ANKRD26: variants seen among roughly 807,000 people sequenced by gnomAD.
ANKRD26 encodes the protein ankyrin repeat domain 26, also known as ankyrin repeat domain-containing protein 26.
A neutral mutation model predicts 208.7 loss-of-function variants in ANKRD26; 141 were observed. That is an observed-to-expected ratio of 0.68 (90% confidence interval 0.59 to 0.78). ANKRD26 has a LOEUF of 0.78. ANKRD26 is among the 30% of genes least tolerant of loss of function. The probability of loss-of-function intolerance (pLI) is 0.00; values close to 1 mark genes in which losing one functional copy is unlikely to be tolerated. For synonymous variants in ANKRD26, 636 were observed against 660.4 expected (o/e 0.96, Z 0.57); for missense variants, 1,889 against 1,938.7 (o/e 0.97, Z 0.48).
At position 27,100,185 on chromosome 10, in the gene ANKRD26, C is replaced by G. The variant is rs200494146; in HGVS notation, c.142G>C (p.Gly48Arg). The G allele has an allele frequency of 6.8e-6, 11 of 1,614,006 alleles. No homozygotes were observed. Among genetic ancestry groups the G allele is most frequent in the African/African-American group, 6.7e-5 (5 of 75,068 alleles). ...PGYHVRDRDL[G>R]KIHKAASAGN... The stretch of plus-strand genomic sequence containing the variant: ...GCGCTGGCAGCTTTGTGGATCTTGC[C>G]GAGATCTCGGTCTCGGACGTGGTAG... The change falls in exon 1 of 34, where the codon GGC becomes CGC. Residue 48 changes from glycine to arginine, a missense_variant. Gly to Arg is a moderately radical substitution (Grantham distance 125, BLOSUM62 -2). Transcript: ENST00000376087.
chr10:27,046,403 T>C lies in ANKRD26; in HGVS notation c.1935A>G (p.Leu645=). 1 of 1,614,166 alleles carries C rather than the reference T, an allele frequency of 6.2e-7. No homozygotes were observed. Among genetic ancestry groups the C allele is most frequent in the Non-Finnish European group, 8.5e-7 (1 of 1,180,022 alleles). ...GKASLLTGGL[L]QVDDDSSLSE... Reference sequence around the variant, plus strand: ...TTAAACTGCTGTCATCATCCACTTGTAGCAGGCCACCAGTTAGTAAACTGG... The same window carrying C: ...TTAAACTGCTGTCATCATCCACTTGCAGCAGGCCACCAGTTAGTAAACTGG... The change falls in exon 18 of 34, where the codon CTA becomes CTG. Residue 645 remains leucine, a synonymous_variant. Coordinates refer to ENST00000376087, the MANE Select transcript of ANKRD26 (RefSeq NM_014915.3).
chr10:27,071,159 A>ATTTTTTTTTTTT (rs71386906), intron 9 of ANKRD26, among the ~76,000 whole-genome samples: 1 of 85,838 alleles, frequency 1.2e-5, no homozygotes, highest in Non-Finnish European at 2.1e-5. Flanking sequence ...TGCTACATTC[A>ATTTTTTTTTTTT]TTTTTTTTTT....
At chr10:27,066,373 TAGTTCCTTATG>T in intron 11 of ANKRD26, 103 bp downstream of exon 11, 1 of 658,080 alleles carries the variant, frequency 1.5e-6, no homozygotes, top group Non-Finnish European at 2.6e-6. Context: ...TATAAGAAAG[TAGTTCCTTATG>T]GATGTATGCA....
chr10:27,021,521 G>A (rs144504939), intron 29 of ANKRD26, among the ~76,000 whole-genome samples: 2 of 152,260 alleles, frequency 1.3e-5, no homozygotes, highest in East Asian at 3.9e-4. Flanking sequence ...GTTTTGATGT[G>A]CACTTCCCTG....
chr10:27,053,436 T>C, intron 15 of ANKRD26, 46 bp from the exon 16 acceptor site: 1 of 1,265,394 alleles, frequency 7.9e-7, no homozygotes, highest in Non-Finnish European at 1.1e-6. Flanking sequence ...TTAGAACAGT[T>C]AGGTAAAAGG....
rs759132367 is a variant in ANKRD26 at position 27,064,005 on chromosome 10, C to G, written c.1346G>C (p.Gly449Ala). 3 of 1,609,124 alleles carry G rather than the reference C, an allele frequency of 1.9e-6. No homozygotes were observed. In the Admixed American group the frequency reaches 5.0e-5, roughly 27 times the overall value. ...GAADGKEKNIGNEQAEDVFYI... is the reference protein window; with the variant it reads ...GAADGKEKNIANEQAEDVFYI... ...GCTCTTACCTTCTGCTTGTTCATTT[C>G]CTATATTTTTTTCTTTTCCGTCTGC... Residue 449 changes from glycine to alanine, a missense_variant, in exon 12 of 34, where the codon GGA (glycine) becomes GCA (alanine). Coordinates refer to ENST00000376087, the MANE Select transcript of ANKRD26 (RefSeq NM_014915.3).
intron 1 of ANKRD26, among the ~76,000 whole-genome samples, chr10:27,095,000 C>CAAA (rs752989150): frequency 3.1e-5 from 3 of 97,666 alleles, no homozygotes; most frequent in African/African-American, 3.8e-5. Flanking sequence ...ACCCTGTCTA[C>CAAA]AAAAAAAAAA....
Position 27,038,583 on chromosome 10 carries a change from G to A in ANKRD26, c.2376-529C>T, listed in dbSNP as rs375200028. 7.3e-4 allele frequency among the ~76,000 whole-genome samples: 111 copies of A among 151,748 alleles called. 2 individuals carry two copies. The South Asian group carries it at 0.02, about 27-fold the overall frequency. On this transcript the variant is annotated intron_variant, in intron 21 of 33. Transcript: ENST00000376087. ...AGAGAACCGCTTGAACCCGGGAGGC[G>A]GATGTTGCAGTGAGCCGAGATTGTG...
Position 27,021,365 on chromosome 10 carries a change from ATTGT to A in ANKRD26, c.4215+1189_4215+1192del, listed in dbSNP as rs558875108. On this transcript the variant is annotated intron_variant, in intron 29 of 33. Coordinates refer to ENST00000376087, the MANE Select transcript of ANKRD26 (RefSeq NM_014915.3). Reference sequence around the variant, plus strand: ...TTTTAGTTTTCTGAAGAAACTCCACATTGTTTTTTATAATGGCTGTACTACTTTA... The same window carrying A: ...TTTTAGTTTTCTGAAGAAACTCCACATTTTTATAATGGCTGTACTACTTTA... Among the ~76,000 whole-genome samples, 11 of 152,298 alleles carry A rather than the reference ATTGT, an allele frequency of 7.2e-5. No homozygotes were observed. The South Asian group carries it at 2.3e-3, about 32-fold the overall frequency.
chr10:27,077,174 A>G, intron 9 of ANKRD26, 164 bp downstream of exon 9: 1 of 638,406 alleles, frequency 1.6e-6, no homozygotes, highest in South Asian at 2.0e-5. Flanking sequence ...GTTTCATTTC[A>G]AGGATGCAGG....
At chr10:27,032,562 G>A (rs1035387158) in intron 25 of ANKRD26, among the ~76,000 whole-genome samples, 5 of 151,960 alleles carry the variant, frequency 3.3e-5, no homozygotes, top group Non-Finnish European at 5.9e-5. Flanking sequence ...CTTGAACCCA[G>A]GAGGCGGAGG....
chr10:27,007,510 G>C (rs1379002540), intron 32 of ANKRD26, among the ~76,000 whole-genome samples: 1 of 152,092 alleles, frequency 6.6e-6, no homozygotes, highest in Non-Finnish European at 1.5e-5. Flanking sequence ...AAAAAAATTA[G>C]CCAGATATGG....
In ANKRD26 at chr10:27,100,406, A is replaced by G. The variant is rs896931326; in HGVS notation, c.-80T>C. On this transcript the variant is annotated 5_prime_UTR_variant, in exon 1 of 34. Transcript: ENST00000376087. ...CCTCCGGAGCCCAACATAACAAGTC[A>G]GCCCCGGCTGGCCGCAGCCTCCCAA... 11 of 1,574,558 alleles carry G rather than the reference A, an allele frequency of 7.0e-6. No homozygotes were observed. In the African/African-American group the frequency reaches 1.2e-4, roughly 17 times the overall value.
At position 27,022,572 on chromosome 10, in the gene ANKRD26, T is replaced by C; in HGVS notation, c.4201A>G (p.Lys1401Glu). The C allele has an allele frequency of 6.5e-7, 1 of 1,534,422 alleles. No homozygotes were observed. Among genetic ancestry groups the C allele is most frequent in the Non-Finnish European group, 9.0e-7 (1 of 1,115,182 alleles). ...SQFEMDIQINKLKHKIDDLTA... is the reference protein window; with the variant it reads ...SQFEMDIQINELKHKIDDLTA... ...TTAAAAATTACCTTATGTTTTAGCT[T>C]ATTAATCTGAATATCCATTTCAAAT... Residue 1401 changes from lysine to glutamate, a missense_variant, in exon 29 of 34, where the codon AAG becomes GAG. By Grantham distance (56) the Lys-to-Glu change is moderately conservative (BLOSUM62 1). This residue lies in a region of ANKRD26 where 613 missense variants were observed against 648.2 expected (regional missense o/e 0.95). Coordinates refer to ENST00000376087, the MANE Select transcript of ANKRD26 (RefSeq NM_014915.3).
chr10:27,092,592 T>C (rs1367082800), intron 3 of ANKRD26, 80 bp from the exon 4 acceptor site: 11 of 1,036,076 alleles, frequency 1.1e-5, no homozygotes, highest in Non-Finnish European at 1.6e-5. Flanking sequence ...GTCAGATCCT[T>C]TGAACTGAAA....
At chr10:26,972,832 T>C (rs896602847), downstream of ANKRD26, among the ~76,000 whole-genome samples, 5 of 152,024 alleles carry the variant, frequency 3.3e-5, no homozygotes, top group East Asian at 3.9e-4. Flanking sequence ...CCTTGTGATC[T>C]GCCCGCCTCA....
intron 1 of ANKRD26, among the ~76,000 whole-genome samples, chr10:27,096,240 G>A (rs777341741): frequency 4.0e-5 from 6 of 151,880 alleles, no homozygotes; most frequent in Non-Finnish European, 8.8e-5. Flanking sequence ...TTCCCTGACA[G>A]CTCTGTAAAT....
At chr10:27,074,104 G>A (rs2055604432) in intron 9 of ANKRD26, among the ~76,000 whole-genome samples, 1 of 111,692 alleles carries the variant, frequency 9.0e-6, no homozygotes, top group Non-Finnish European at 2.4e-5. Context: ...AAATAATTCT[G>A]GTAATATGAA....
At chr10:27,081,924 G>T (rs937006046) in intron 6 of ANKRD26, among the ~76,000 whole-genome samples, 1 of 151,914 alleles carries the variant, frequency 6.6e-6, no homozygotes, top group Non-Finnish European at 1.5e-5. Flanking sequence ...TTTTAGTAGA[G>T]ACAGGGTTTC....
Sources: gnomAD v4.1 joint callset for allele counts (sites outside exome capture counted in the v4.1 genomes callset) on GRCh38, gnomAD v4.1.1 for gene constraint, gnomAD v4.1.1 regional missense constraint, MANE v1.5 for transcripts, NCBI Gene and HGNC (gene_info 2026-07-23, HGNC 2026-07-21) for gene names.